The following HEATR1 variants were observed in gnomAD, a reference collection of about 807,000 sequenced individuals.
HEATR1 encodes the protein HEAT repeat containing 1.
In HEATR1, 77 loss-of-function variants were observed where a neutral mutation model predicts 248.2. The observed-to-expected ratio is 0.31, with a 90% CI of 0.26 to 0.37. The LOEUF (loss-of-function observed/expected upper bound fraction) is 0.37. Ranked by LOEUF, HEATR1 falls within the 10% of genes least tolerant of loss-of-function variation. HEATR1 has a pLI of 1.00. For missense variants in HEATR1, 2,420 were observed against 2,504.9 expected (o/e 0.97, Z 0.72); for synonymous variants, 897 against 923.1 (o/e 0.97, Z 0.51).
chr1:236,595,102 G>A (rs1664136677), intron 8 of HEATR1, among the ~76,000 whole-genome samples: 1 of 151,838 alleles, frequency 6.6e-6, no homozygotes, highest in South Asian at 2.1e-4. Context: ...TCATAATTTG[G>A]ATTTTTATGT....
chr1:236,576,739 G>T (rs6658793), intron 21 of HEATR1, 41 bp downstream of exon 21: 2 of 1,554,092 alleles, frequency 1.3e-6, no homozygotes, highest in Non-Finnish European at 1.7e-6. Context: ...CCAGTACACA[G>T]AGGCATGAAC....
At chr1:236,603,657 C>T (rs905188556) in intron 2 of HEATR1, among the ~76,000 whole-genome samples, 12 of 150,306 alleles carry the variant, frequency 8.0e-5, no homozygotes, top group African/African-American at 2.7e-4. Flanking sequence ...AGGACTTCTC[C>T]GTCACCCCAG....
intron 22 of HEATR1, among the ~76,000 whole-genome samples, chr1:236,575,914 C>A (rs1022413024): frequency 6.6e-6 from 1 of 152,166 alleles, no homozygotes; most frequent in East Asian, 1.9e-4. Context: ...GATGAACCAA[C>A]AGCTTCTTTC....
Position 236,584,845 on chromosome 1 carries a change from G to A in HEATR1, c.2241+180C>T, listed in dbSNP as rs554664367. Among the ~76,000 whole-genome samples the A allele has an allele frequency of 3.3e-4, 50 of 152,144 alleles. 1 individual carries two copies. The South Asian group carries it at 3.5e-3, about 11-fold the overall frequency. ...ATTTTATAATTCAACTAAACTTTCC[G>A]CAAAAGCAAGGGAGTGCCTAGTTGA... On this transcript the variant is annotated intron_variant, in intron 17 of 44. Transcript: ENST00000366582.
chr1:236,550,538 G>T lies in HEATR1; in HGVS notation c.*364C>A. ...ATGGATACCATGTATGTAAGATACT[G>T]CTGTACAGAAGAGTTAAGGCTTACA... On this transcript the variant is annotated 3_prime_UTR_variant, in exon 45 of 45. Transcript: ENST00000366582. 1 of 188,318 alleles carries T rather than the reference G, an allele frequency of 5.3e-6. No individual in the cohort carries two copies. The highest frequency in any genetic ancestry group is 1.1e-5 in the Non-Finnish European group (1 of 92,240). The allele number at this position is 188,318 out of a possible 1,614,324, so 11.7% of individuals were successfully genotyped here. A position where few individuals can be genotyped will look rare whatever the true frequency, so the allele number is the denominator to read the frequency against.
Position 236,582,764 on chromosome 1 carries a change from A to T in HEATR1, c.2534T>A (p.Phe845Tyr). 1 of 1,614,216 alleles carries T rather than the reference A, an allele frequency of 6.2e-7. No individual in the cohort carries two copies. Among genetic ancestry groups the T allele is most frequent in the South Asian group, 1.1e-5 (1 of 91,082 alleles). The change falls in exon 19 of 45, where the codon TTC becomes TAC. Residue 845 changes from phenylalanine (F) to tyrosine (Y), a missense_variant. Physicochemically the swap from Phe to Tyr is conservative, Grantham distance 22. Transcript: ENST00000366582. ...TATGAAAAGTTTCATCAGAACTCTG[A>T]AATGAACAGCATCGGCACCATTGAG... ...MMLNGADAVH[F>Y]RVLMKLFIKV...
At chr1:236,599,439 A>C in intron 4 of HEATR1, 44 bp downstream of exon 4, 2 of 1,512,544 alleles carry the variant, frequency 1.3e-6, no homozygotes, top group South Asian at 2.6e-5. Context: ...TCCCTTAATC[A>C]AGATCTGTAA....
At position 236,599,553 on chromosome 1, in the gene HEATR1, A is replaced by G; in HGVS notation, c.431T>C (p.Phe144Ser). ...TTTTAGAAGCTGTATGACTCGCACA[A>G]ATATTCTTGTCTCGTGGTATGGCAG... ...CVLPYHETRIFVRVIQLLKIN... is the reference protein window; with the variant it reads ...CVLPYHETRISVRVIQLLKIN... Residue 144 changes from phenylalanine to serine, a missense_variant, in exon 4 of 45, where the codon TTT becomes TCT. Phe to Ser is a radical substitution (Grantham distance 155). Coordinates refer to ENST00000366582, the MANE Select transcript of HEATR1 (RefSeq NM_018072.6). 5 of 1,613,732 alleles carry G rather than the reference A, an allele frequency of 3.1e-6. No homozygotes were observed. The South Asian group carries it at 3.3e-5, about 11-fold the overall frequency.
At chr1:236,584,717 C>T (rs1035037533) in intron 17 of HEATR1, among the ~76,000 whole-genome samples, 2 of 152,200 alleles carry the variant, frequency 1.3e-5, no homozygotes, top group African/African-American at 2.4e-5. Flanking sequence ...CAAGTGAATT[C>T]TTCATCGCTA....
Position 236,550,149 on chromosome 1 carries a change from C to T in HEATR1, c.*753G>A, listed in dbSNP as rs914079372. 2.0e-5 allele frequency: 3 copies of T among 152,180 alleles called. No homozygotes were observed. The highest frequency in any genetic ancestry group is 7.2e-5 in the African/African-American group (3 of 41,442). 9.4% of individuals were successfully genotyped at this position (152,180 alleles called of 1,614,324 possible). On this transcript the variant is annotated 3_prime_UTR_variant, in exon 45 of 45. Coordinates refer to ENST00000366582, the MANE Select transcript of HEATR1 (RefSeq NM_018072.6). ...ATCTACTGATACTTACTTTCTTAGA[C>T]AAGTAGTTCTTAGTTAACCACCAAT...
At chr1:236,601,074 C>T (rs1184074026) in intron 3 of HEATR1, among the ~76,000 whole-genome samples, 3 of 152,088 alleles carry the variant, frequency 2.0e-5, no homozygotes, top group African/African-American at 4.8e-5. Flanking sequence ...CATTAATGAT[C>T]TATTTGGGGG....
In HEATR1 at chr1:236,551,073, T is replaced by C. The variant is rs950723475; in HGVS notation, c.6347-83A>G. Reference sequence around the variant, plus strand: ...TCTCATTAGTTTAATTCTTAATGCCTTGCACTTTCCGGCAATCATTCAATC... The same window carrying C: ...TCTCATTAGTTTAATTCTTAATGCCCTGCACTTTCCGGCAATCATTCAATC... On this transcript the variant is annotated intron_variant, in intron 44 of 44. Coordinates refer to ENST00000366582, the MANE Select transcript of HEATR1 (RefSeq NM_018072.6). 1.6e-5 allele frequency: 18 copies of C among 1,092,872 alleles called. No homozygotes were observed. The East Asian group carries it at 3.3e-4, about 20-fold the overall frequency. 67.7% of individuals were successfully genotyped at this position (1,092,872 alleles called of 1,614,324 possible). A position where few individuals can be genotyped will look rare whatever the true frequency, so the allele number is the denominator to read the frequency against.
chr1:236,553,455 G>C (rs965432916), intron 43 of HEATR1, 126 bp downstream of exon 43: 5 of 997,616 alleles, frequency 5.0e-6, no homozygotes. Context: ...CTCTAGTACT[G>C]GATGACAAAT....
intron 32 of HEATR1, among the ~76,000 whole-genome samples, chr1:236,561,875 A>T (rs910915288): frequency 1.3e-5 from 2 of 151,986 alleles, no homozygotes; most frequent in African/African-American, 4.8e-5. Flanking sequence ...GTTTATGTCC[A>T]TTTTTTCCCC....
intron 17 of HEATR1, 137 bp from the exon 18 acceptor site, chr1:236,583,333 G>T: frequency 1.5e-6 from 1 of 657,660 alleles, no homozygotes. Context: ...GAACTGCTTT[G>T]GTCGGATTTT....
intron 29 of HEATR1, among the ~76,000 whole-genome samples, chr1:236,567,767 A>G (rs1398562315): frequency 6.6e-6 from 1 of 152,220 alleles, no homozygotes; most frequent in Non-Finnish European, 1.5e-5. Context: ...GTAATGGCAC[A>G]TGCCAAATAT....
At chr1:236,590,752 T>C (rs1664010466) in intron 12 of HEATR1, 95 bp downstream of exon 12, 2 of 486,478 alleles carry the variant, frequency 4.1e-6, no homozygotes, top group East Asian at 6.4e-5. Context: ...ATCTGTATCA[T>C]TACCCACTTA....
Position 236,574,871 on chromosome 1 carries a change from T to C in HEATR1, c.3117A>G (p.Glu1039=), listed in dbSNP as rs1336749062. ...CCTTCTGGATCTTTTCTAGCAGTTGTTCAGCCATAGGCAATAGCTGAGAAA... is the reference window on the plus strand; with the variant it reads ...CCTTCTGGATCTTTTCTAGCAGTTGCTCAGCCATAGGCAATAGCTGAGAAA... ...MVLSQLLPMA[E]QLLEKIQKEP... is the part of the protein sequence containing the mutation. Residue 1039 remains glutamate (E), a synonymous_variant, in exon 23 of 45, where the codon GAA becomes GAG. Transcript: ENST00000366582. 2 of 1,613,824 alleles carry C rather than the reference T, an allele frequency of 1.2e-6. No homozygotes were observed. Among genetic ancestry groups the C allele is most frequent in the Admixed American group, 1.7e-5 (1 of 60,026 alleles).
At chr1:236,560,893 G>C (rs751590) in intron 33 of HEATR1, among the ~76,000 whole-genome samples, 97,827 of 152,054 alleles carry the variant, frequency 0.64, 32,380 homozygotes, top group Non-Finnish European at 0.72. Context: ...GTGTAAAGGA[G>C]AGTGTTGGGA....
Sources: gnomAD v4.1 joint callset for allele counts (sites outside exome capture counted in the v4.1 genomes callset) on GRCh38, gnomAD v4.1.1 for gene constraint, MANE v1.5 for transcripts, NCBI Gene and HGNC (gene_info 2026-07-23, HGNC 2026-07-21) for gene names.